Variants in PIK3CG observed in about 807,000 individuals in gnomAD.
PIK3CG encodes the protein phosphatidylinositol-4,5-bisphosphate 3-kinase catalytic subunit gamma.
In PIK3CG, 55 loss-of-function variants were observed where a neutral mutation model predicts 102.3. That is an observed-to-expected ratio of 0.54 (90% CI 0.43 to 0.67). The LOEUF (loss-of-function observed/expected upper bound fraction) is 0.67. Among genes scored for constraint, PIK3CG ranks in the 30% least tolerant of loss-of-function variants. PIK3CG has a pLI of 0.00. For missense variants in PIK3CG, 1,258 were observed against 1,391.8 expected (o/e 0.90, Z 1.53); for synonymous variants, 552 against 540.0 (o/e 1.02, Z -0.31).
chr7:106,872,402 A>G lies in PIK3CG; in HGVS notation c.1996-135A>G. 1 of 714,564 alleles carries G rather than the reference A, an allele frequency of 1.4e-6. No individual in the cohort carries two copies. The highest frequency in any genetic ancestry group is 2.4e-6 in the Non-Finnish European group (1 of 408,384). The allele number at this position is 714,564 out of a possible 1,614,324, so 44.3% of individuals were successfully genotyped here. A position where few individuals can be genotyped will look rare whatever the true frequency, so the allele number is the denominator to read the frequency against. ...CCTCTAACAGACAGGATTAAACTTA[A>G]GTGACTGTTAAGATTTTCATCTTTC... is the stretch of plus-strand genomic sequence containing the variant. On this transcript the variant is annotated intron_variant, in intron 2 of 10. Coordinates refer to ENST00000496166, the MANE Select transcript of PIK3CG (RefSeq NM_001282426.2). This position sits in a 1 kb window ranked among gnomAD's most constrained non-coding sequence, Gnocchi z 5.3.
At position 106,868,161 on chromosome 7, in the gene PIK3CG, G is replaced by A. The variant is rs764960436; in HGVS notation, c.600G>A (p.Pro200=). 8.7e-6 allele frequency: 14 copies of A among 1,612,958 alleles called. No individual in the cohort carries two copies. The East Asian group carries it at 2.2e-4, about 26-fold the overall frequency. Residue 200 remains proline, a synonymous_variant, in exon 2 of 11, where the codon CCG becomes CCA. Transcript: ENST00000496166. This position sits in a 1 kb window ranked among gnomAD's most constrained non-coding sequence, Gnocchi z 6.2. ...ACCCCAAGCTCTACGCCATGCACCC[G>A]TGGGTGACGTCCAAGCCCCTCCCGG... ...SRDPKLYAMH[P]WVTSKPLPEY...
At chr7:106,887,737 G>T (rs1477233746) in intron 10 of PIK3CG, among the ~76,000 whole-genome samples, 4 of 151,722 alleles carry the variant, frequency 2.6e-5, no homozygotes, top group Non-Finnish European at 5.9e-5. Flanking sequence ...CAACTTCCTG[G>T]AACAGAGAAA....
Position 106,884,055 on chromosome 7 carries a change from A to G in PIK3CG, c.2761-100A>G. 1.1e-6 allele frequency: 1 copy of G among 913,386 alleles called. No individual in the cohort carries two copies. 56.6% of individuals were successfully genotyped at this position (913,386 alleles called of 1,614,324 possible). ...TCAGGCACAACTAACTTGCTCTCTG[A>G]AAATGGTTTCCAGAATATTCTCTTT... On this transcript the variant is annotated intron_variant, in intron 8 of 10. Coordinates refer to ENST00000496166, the MANE Select transcript of PIK3CG (RefSeq NM_001282426.2). The surrounding 1 kb of genome is among the most constrained non-coding windows in gnomAD (Gnocchi z 4.2).
At position 106,865,312 on chromosome 7, in the gene PIK3CG, G is replaced by T. The variant is rs1355984800; in HGVS notation, c.-127G>T. 6.6e-6 allele frequency: 1 copy of T among 152,092 alleles called. No homozygotes were observed. The highest frequency in any genetic ancestry group is 2.4e-5 in the African/African-American group (1 of 41,410). The allele number at this position is 152,092 out of a possible 1,614,324, so 9.4% of individuals were successfully genotyped here. A position where few individuals can be genotyped will look rare whatever the true frequency, so the allele number is the denominator to read the frequency against. ...ACTTCCTCTGCATCTGGATATGAAG[G>T]GAGCCCCAGAAAAGCGGAAGAATTT... On this transcript the variant is annotated 5_prime_UTR_variant, in exon 1 of 11. The change creates a premature stop within an existing upstream ORF in the 5' untranslated region. Transcript: ENST00000496166.
Position 106,902,172 on chromosome 7 carries a change from A to G in PIK3CG, c.3031-2937A>G, listed in dbSNP as rs1303799893. Among the ~76,000 whole-genome samples the G allele has an allele frequency of 6.6e-6, 1 of 152,158 alleles. No homozygotes were observed. The highest frequency in any genetic ancestry group is 2.1e-4 in the South Asian group (1 of 4,826). ...TGGGGACTCCACCCCAGAGAGATGC[A>G]GGTCAGCAGTGGCTCAGTGCAAGCA... On this transcript the variant is annotated intron_variant, in intron 10 of 10. Transcript: ENST00000496166. This position sits in a 1 kb window ranked among gnomAD's most constrained non-coding sequence, Gnocchi z 4.3.
Position 106,897,262 on chromosome 7 carries a change from T to G in PIK3CG, c.3031-7847T>G, listed in dbSNP as rs1289944617. On this transcript the variant is annotated intron_variant, in intron 10 of 10. Transcript: ENST00000496166. This position sits in a 1 kb window ranked among gnomAD's most constrained non-coding sequence, Gnocchi z 4.6. ...ATGAACATCCTTATAGATAAATCACTGCAAAATTATTCAGTATTTTTAAAG... is the reference window on the plus strand; with the variant it reads ...ATGAACATCCTTATAGATAAATCACGGCAAAATTATTCAGTATTTTTAAAG... 6.6e-6 allele frequency among the ~76,000 whole-genome samples: 1 copy of G among 152,224 alleles called. No homozygotes were observed. Among genetic ancestry groups the G allele is most frequent in the East Asian group, 1.9e-4 (1 of 5,204 alleles).
In PIK3CG at chr7:106,867,892, G is replaced by A. The variant is rs760070255; in HGVS notation, c.331G>A (p.Asp111Asn). 1.9e-6 allele frequency: 3 copies of A among 1,612,694 alleles called. No homozygotes were observed. Among genetic ancestry groups the A allele is most frequent in the Non-Finnish European group, 1.7e-6 (2 of 1,179,802 alleles). ...GAAGGGGCAGTGGTACGAGATCTAC[G>A]ACAAGTACCAGGTGGTGCAGACTCT... Reference protein sequence around the residue: ...QKKGQWYEIYDKYQVVQTLDC... With the variant: ...QKKGQWYEIYNKYQVVQTLDC... Residue 111 changes from aspartate (D) to asparagine (N), a missense_variant, in exon 2 of 11, where the codon GAC (aspartate) becomes AAC (asparagine). By Grantham distance (23) the Asp-to-Asn change is conservative. Around this residue, in one of 2 missense-constraint regions of PIK3CG, gnomAD observed 832 missense variants for 787.5 expected, o/e 1.06. Transcript: ENST00000496166. The surrounding 1 kb of genome is among the most constrained non-coding windows in gnomAD (Gnocchi z 5.1).
rs763291731 is a variant in PIK3CG, at chr7:106,874,024, A to G, written c.2288-676A>G. ...ACATAGACACTTCATGTACTCAACC[A>G]GTATTTTAAACTCCTGAATATTTAA... On this transcript the variant is annotated intron_variant, in intron 4 of 10. Transcript: ENST00000496166. The surrounding 1 kb of genome is among the most constrained non-coding windows in gnomAD (Gnocchi z 4.3). Among the ~76,000 whole-genome samples the G allele has an allele frequency of 3.3e-5, 5 of 152,264 alleles. No individual in the cohort carries two copies. Among genetic ancestry groups the G allele is most frequent in the Admixed American group, 1.3e-4 (2 of 15,302 alleles).
In PIK3CG at chr7:106,879,425, T is replaced by G; in HGVS notation, c.2392-94T>G. On this transcript the variant is annotated intron_variant, in intron 5 of 10. Coordinates refer to ENST00000496166, the MANE Select transcript of PIK3CG (RefSeq NM_001282426.2). The surrounding 1 kb of genome is among the most constrained non-coding windows in gnomAD (Gnocchi z 4.9). ...TCTCCAACTAGGACTTTGTCCTTGT[T>G]GTTTATAGTGATGTTTTGCAAGAGA... The G allele has an allele frequency of 1.0e-6, 1 of 992,094 alleles. No individual in the cohort carries two copies. Among genetic ancestry groups the G allele is most frequent in the Middle Eastern group, 2.1e-4 (1 of 4,832 alleles). 61.5% of individuals were successfully genotyped at this position (992,094 alleles called of 1,614,324 possible).
At position 106,893,735 on chromosome 7, in the gene PIK3CG, A is replaced by C. The variant is rs1791325120; in HGVS notation, c.3030+7443A>C. On this transcript the variant is annotated intron_variant, in intron 10 of 10. Coordinates refer to ENST00000496166, the MANE Select transcript of PIK3CG (RefSeq NM_001282426.2). This position sits in a 1 kb window ranked among gnomAD's most constrained non-coding sequence, Gnocchi z 4.4. Reference sequence around the variant, plus strand: ...ATATATTTGAAGACTTCCTATAGCAAGTACTGTCATGCATTGCTTAACAGT... The same window carrying C: ...ATATATTTGAAGACTTCCTATAGCACGTACTGTCATGCATTGCTTAACAGT... Among the ~76,000 whole-genome samples, 1 of 152,222 alleles carries C rather than the reference A, an allele frequency of 6.6e-6. No homozygotes were observed. Among genetic ancestry groups the C allele is most frequent in the South Asian group, 2.1e-4 (1 of 4,830 alleles).
intron 4 of PIK3CG, among the ~76,000 whole-genome samples, chr7:106,873,638 G>C (rs1363591678): frequency 6.6e-6 from 1 of 152,064 alleles, no homozygotes; most frequent in Non-Finnish European, 1.5e-5. Flanking sequence ...TATATCAGGG[G>C]CTTGAGCATT....
intron 10 of PIK3CG, among the ~76,000 whole-genome samples, chr7:106,887,415 G>A (rs576937849): frequency 1.9e-4 from 29 of 152,164 alleles, no homozygotes; most frequent in Non-Finnish European, 3.8e-4. Flanking sequence ...GTCTCTTCTT[G>A]AGTCCAAGGT....
rs1320221011 is a variant in PIK3CG, at chr7:106,868,620, C to A, written c.1059C>A (p.Ser353=). The A allele has an allele frequency of 6.2e-7, 1 of 1,614,180 alleles. No homozygotes were observed. Among genetic ancestry groups the A allele is most frequent in the Non-Finnish European group, 8.5e-7 (1 of 1,180,036 alleles). Reference sequence around the variant, plus strand: ...ACCACGAGAGTGTGTTCACCGTGTCCCTGTGGGACTGCGACCGCAAGTTCA... The same window carrying A: ...ACCACGAGAGTGTGTTCACCGTGTCACTGTGGGACTGCGACCGCAAGTTCA... ...GKDHESVFTV[S]LWDCDRKFRV... Residue 353 remains serine (S), a synonymous_variant, in exon 2 of 11, where the codon TCC becomes TCA. Transcript: ENST00000496166. This position sits in a 1 kb window ranked among gnomAD's most constrained non-coding sequence, Gnocchi z 6.2.
In PIK3CG at chr7:106,891,281, A is replaced by T. The variant is rs1478416623; in HGVS notation, c.3030+4989A>T. On this transcript the variant is annotated intron_variant, in intron 10 of 10. Coordinates refer to ENST00000496166, the MANE Select transcript of PIK3CG (RefSeq NM_001282426.2). The surrounding 1 kb of genome is among the most constrained non-coding windows in gnomAD (Gnocchi z 4.4). ...GAGTTTCACAATAACTCAGGCCCAG[A>T]TTGACAGACCATCATCACATGGAAG... 6.6e-6 allele frequency among the ~76,000 whole-genome samples: 1 copy of T among 152,244 alleles called. No homozygotes were observed. The highest frequency in any genetic ancestry group is 1.5e-5 in the Non-Finnish European group (1 of 68,044).
intron 10 of PIK3CG, among the ~76,000 whole-genome samples, chr7:106,898,902 C>T (rs944848041): frequency 1.3e-5 from 2 of 152,074 alleles, no homozygotes; most frequent in Non-Finnish European, 2.9e-5. Flanking sequence ...TTTTCTAGTT[C>T]TGTGAAGAAT....
In PIK3CG at chr7:106,895,690, A is replaced by C. The variant is rs1791390185; in HGVS notation, c.3030+9398A>C. 6.6e-6 allele frequency among the ~76,000 whole-genome samples: 1 copy of C among 152,216 alleles called. No homozygotes were observed. The highest frequency in any genetic ancestry group is 2.1e-4 in the South Asian group (1 of 4,834). On this transcript the variant is annotated intron_variant, in intron 10 of 10. Transcript: ENST00000496166. This position sits in a 1 kb window ranked among gnomAD's most constrained non-coding sequence, Gnocchi z 5.4. ...GACAGTGAGCCCCTTAGCGTTGAAC[A>C]GTATGTGTATTCAATAATGCAGCTC...
rs1791728175 is a variant in PIK3CG at position 106,907,805 on chromosome 7, C to T, written c.*2418C>T. Among the ~76,000 whole-genome samples, 1 of 98,726 alleles carries T rather than the reference C, an allele frequency of 1.0e-5. No individual in the cohort carries two copies. Among genetic ancestry groups the T allele is most frequent in the Non-Finnish European group, 2.4e-5 (1 of 42,306 alleles). The allele number at this position is 98,726 out of a possible 152,430, so 64.8% of individuals were successfully genotyped here. The stretch of plus-strand genomic sequence containing the variant: ...ATATATATATATCACACATATATAT[C>T]ACAGTTTTATATATATATATGTATG... On this transcript the variant is annotated 3_prime_UTR_variant, in exon 11 of 11. Transcript: ENST00000496166.
chr7:106,874,823 C>T lies in PIK3CG; in HGVS notation c.2391+20C>T, dbSNP rs1360956707. On this transcript the variant is annotated intron_variant, in intron 5 of 10. Transcript: ENST00000496166. The surrounding 1 kb of genome is among the most constrained non-coding windows in gnomAD (Gnocchi z 4.3). Reference sequence around the variant, plus strand: ...CTGGCAGTAGGTATCACTTGGATGTCTCCATGTGGTCTTTATGTCTTGAAG... The same window carrying T: ...CTGGCAGTAGGTATCACTTGGATGTTTCCATGTGGTCTTTATGTCTTGAAG... 6.8e-7 allele frequency: 1 copy of T among 1,464,428 alleles called. No individual in the cohort carries two copies. Among genetic ancestry groups the T allele is most frequent in the South Asian group, 1.1e-5 (1 of 87,468 alleles). 90.7% of individuals were successfully genotyped at this position (1,464,428 alleles called of 1,614,324 possible). A position where few individuals can be genotyped will look rare whatever the true frequency, so the allele number is the denominator to read the frequency against.
chr7:106,868,052 A>G lies in PIK3CG; in HGVS notation c.491A>G (p.Asp164Gly), dbSNP rs767326273. 8 of 1,612,600 alleles carry G rather than the reference A, an allele frequency of 5.0e-6. No homozygotes were observed. The highest frequency in any genetic ancestry group is 2.7e-5 in the African/African-American group (2 of 74,916). The stretch of plus-strand genomic sequence containing the variant: ...GCGCTGATTGGCTATGACGTCACTG[A>G]CGTCAGCAACGTGCACGACGATGAG... ...LTALIGYDVT[D>G]VSNVHDDELE... The change falls in exon 2 of 11, where the codon GAC (aspartate) becomes GGC (glycine). Residue 164 changes from aspartate to glycine, a missense_variant. Coordinates refer to ENST00000496166, the MANE Select transcript of PIK3CG (RefSeq NM_001282426.2). The surrounding 1 kb of genome is among the most constrained non-coding windows in gnomAD (Gnocchi z 6.2).
Sources: gnomAD v4.1 joint callset for allele counts (sites outside exome capture counted in the v4.1 genomes callset) on GRCh38, gnomAD v4.1.1 for gene constraint, gnomAD v4.1.1 regional missense constraint, Gnocchi (gnomAD v3.1) non-coding constraint, MANE v1.5 for transcripts, NCBI Gene and HGNC (gene_info 2026-07-23, HGNC 2026-07-21) for gene names.